The following FBN3 variants were observed in gnomAD, a reference collection of about 807,000 sequenced individuals.
The protein encoded by FBN3 is fibrillin-3.
FBN3 carries 234 observed loss-of-function variants against 330.1 expected under a neutral mutation model. The ratio of observed to expected loss-of-function variants is 0.71; its 90% confidence interval spans 0.64 to 0.79. FBN3 has a LOEUF of 0.79. Among genes scored for constraint, FBN3 ranks in the 30% least tolerant of loss-of-function variants. FBN3 has a pLI of 0.00. For missense variants in FBN3, 3,606 were observed against 3,886.9 expected (o/e 0.93, Z 1.92); for synonymous variants, 1,458 against 1,517.3 (o/e 0.96, Z 0.91).
Position 8,121,297 on chromosome 19 carries a change from C to G in FBN3, c.3172G>C (p.Gly1058Arg). 1.2e-6 allele frequency: 2 copies of G among 1,612,916 alleles called. No individual in the cohort carries two copies. The highest frequency in any genetic ancestry group is 1.7e-6 in the Non-Finnish European group (2 of 1,179,336). Residue 1058 changes from glycine (G) to arginine (R), a missense_variant, in exon 25 of 64, where the codon GGC (glycine) becomes CGC (arginine). By Grantham distance (125) the Gly-to-Arg change is moderately radical (BLOSUM62 -2). Transcript: ENST00000600128. This position sits in a 1 kb window ranked among gnomAD's most constrained non-coding sequence, Gnocchi z 4.5. ...ATCAGCATGAAGCCACTCTCGTAGC[C>G]GGGAAAACACTCGCACTCAAAGCTG... ...PGSFECECFP[G>R]YESGFMLMKN...
intron 6 of FBN3, 137 bp downstream of exon 6, chr19:8,144,740 G>T: frequency 1.6e-6 from 1 of 629,152 alleles, no homozygotes; most frequent in South Asian, 2.0e-5. Flanking sequence ...TGAAAGAAAT[G>T]TCCTCAGACT....
chr19:8,133,134 A>G (rs772302416), intron 13 of FBN3, 28 bp from the exon 14 acceptor site: 2 of 1,550,032 alleles, frequency 1.3e-6, no homozygotes, highest in Non-Finnish European at 8.7e-7. Context: ...GGCTGGGTCC[A>G]GGCAGGGACC....
rs984327405 is a variant in FBN3 at position 8,131,904 on chromosome 19, T to C, written c.1715-75A>G. The C allele has an allele frequency of 7.8e-6, 11 of 1,405,954 alleles. No individual in the cohort carries two copies. In the African/African-American group the frequency reaches 1.3e-4, roughly 17 times the overall value. 87.1% of individuals were successfully genotyped at this position (1,405,954 alleles called of 1,614,324 possible). A position where few individuals can be genotyped will look rare whatever the true frequency, so the allele number is the denominator to read the frequency against. ...TCTCTCCCCTCCCCATCTCCCAACATTTCCATCTTCCCAGCCATTCTATTT... is the reference window on the plus strand; with the variant it reads ...TCTCTCCCCTCCCCATCTCCCAACACTTCCATCTTCCCAGCCATTCTATTT... On this transcript the variant is annotated intron_variant, in intron 14 of 63. Coordinates refer to ENST00000600128, the MANE Select transcript of FBN3 (RefSeq NM_032447.5). This position sits in a 1 kb window ranked among gnomAD's most constrained non-coding sequence, Gnocchi z 4.5.
At chr19:8,116,927 G>T in intron 28 of FBN3, 128 bp from the exon 29 acceptor site, 2 of 1,260,274 alleles carry the variant, frequency 1.6e-6, no homozygotes, top group East Asian at 2.5e-5. Context: ...GAGTAGTCTG[G>T]GGGCGCTCAA....
At chr19:8,127,304 G>A (rs961383533) in intron 18 of FBN3, among the ~76,000 whole-genome samples, 2 of 151,810 alleles carry the variant, frequency 1.3e-5, no homozygotes, top group Non-Finnish European at 2.9e-5. Flanking sequence ...CAGGTGGTCC[G>A]CCCGCCTCAG....
intron 6 of FBN3, among the ~76,000 whole-genome samples, chr19:8,144,336 G>A (rs1163126137): frequency 1.3e-5 from 2 of 151,956 alleles, no homozygotes; most frequent in African/African-American, 4.8e-5. Flanking sequence ...GGCAGAGGTT[G>A]CAGTGAGCCG....
intron 38 of FBN3, among the ~76,000 whole-genome samples, chr19:8,104,892 T>A (rs992569156): frequency 1.3e-5 from 2 of 151,870 alleles, no homozygotes; most frequent in Non-Finnish European, 2.9e-5. Context: ...TTTTCTTTTC[T>A]TCTTTCTTCC....
At chr19:8,128,807 C>T (rs1354246499) in intron 18 of FBN3, among the ~76,000 whole-genome samples, 2 of 152,060 alleles carry the variant, frequency 1.3e-5, no homozygotes, top group Admixed American at 6.6e-5. Context: ...TGTTTCTGAG[C>T]GTGTGCATGT....
intron 13 of FBN3, among the ~76,000 whole-genome samples, chr19:8,133,489 C>T (rs1186563242): frequency 2.6e-5 from 4 of 151,192 alleles, no homozygotes; most frequent in South Asian, 2.1e-4. Context: ...CTCGCTCTGT[C>T]GCCCAGGCTG....
intron 47 of FBN3, among the ~76,000 whole-genome samples, chr19:8,092,649 A>C (rs2082120879): frequency 7.8e-6 from 1 of 128,466 alleles, no homozygotes; most frequent in East Asian, 2.7e-4. Flanking sequence ...CGGGAGGTGG[A>C]TATTGCAGTG....
In FBN3 at chr19:8,065,772, G is replaced by C. The variant is rs1193174273; in HGVS notation, c.*147C>G. On this transcript the variant is annotated 3_prime_UTR_variant, in exon 64 of 64. Coordinates refer to ENST00000600128, the MANE Select transcript of FBN3 (RefSeq NM_032447.5). ...TGGCACAGAGGCCCAGGCAGAGGCC[G>C]GGCTTGCCTGAGGTTGTCGTGTAGC... The C allele has an allele frequency of 4.2e-6, 3 of 720,550 alleles. No homozygotes were observed. Among genetic ancestry groups the C allele is most frequent in the Non-Finnish European group, 6.7e-6 (3 of 450,028 alleles). The allele number at this position is 720,550 out of a possible 1,614,324, so 44.6% of individuals were successfully genotyped here.
chr19:8,133,004 G>T lies in FBN3; in HGVS notation c.1694C>A (p.Pro565His). ...CLCKPGFLLA[P>H]GGHYCMDIDE... The stretch of plus-strand genomic sequence containing the variant: ...CTCACCCATGCAGTAGTGGCCGCCA[G>T]GCGCCAGCAGGAAGCCGGGTTTGCA... The change falls in exon 14 of 64, where the codon CCT becomes CAT. Residue 565 changes from proline (P) to histidine (H), a missense_variant. Pro to His is a moderately conservative substitution (Grantham distance 77, BLOSUM62 -2). Transcript: ENST00000600128. 1 of 1,570,988 alleles carries T rather than the reference G, an allele frequency of 6.4e-7. No individual in the cohort carries two copies. The highest frequency in any genetic ancestry group is 8.6e-7 in the Non-Finnish European group (1 of 1,161,420).
chr19:8,073,728 G>A (rs2081576215), intron 61 of FBN3, among the ~76,000 whole-genome samples: 1 of 152,220 alleles, frequency 6.6e-6, no homozygotes. Context: ...TGCCCAGGCT[G>A]GAGTGCAGTG....
In FBN3 at chr19:8,131,482, C is replaced by T; in HGVS notation, c.1990+72G>A. ...CCCACTCCATGGCAGCCATGACCCC[C>T]CACCAGAAGCGAGAACCGATGGAGG... On this transcript the variant is annotated intron_variant, in intron 15 of 63. Coordinates refer to ENST00000600128, the MANE Select transcript of FBN3 (RefSeq NM_032447.5). This position sits in a 1 kb window ranked among gnomAD's most constrained non-coding sequence, Gnocchi z 4.5. The T allele has an allele frequency of 6.5e-7, 1 of 1,541,286 alleles. No individual in the cohort carries two copies. Among genetic ancestry groups the T allele is most frequent in the Non-Finnish European group, 8.8e-7 (1 of 1,136,584 alleles).
chr19:8,121,235 A>AC lies in FBN3; in HGVS notation c.3211+22dup, dbSNP rs1435287444. 24 of 1,561,236 alleles carry AC rather than the reference A, an allele frequency of 1.5e-5. No individual in the cohort carries two copies. Among genetic ancestry groups the AC allele is most frequent in the Non-Finnish European group, 2.1e-5 (24 of 1,150,154 alleles). Reference sequence around the variant, plus strand: ...CCTCCCTGCCCAGGGCGCCCACCACACCCCTGCCCGGCAGTCACCGACCCA... The same window carrying AC: ...CCTCCCTGCCCAGGGCGCCCACCACACCCCCTGCCCGGCAGTCACCGACCCA... On this transcript the variant is annotated intron_variant, in intron 25 of 63. Coordinates refer to ENST00000600128, the MANE Select transcript of FBN3 (RefSeq NM_032447.5). The surrounding 1 kb of genome is among the most constrained non-coding windows in gnomAD (Gnocchi z 4.5).
Position 8,126,312 on chromosome 19 carries a change from C to G in FBN3, c.2590G>C (p.Gly864Arg), listed in dbSNP as rs1349126132. The change falls in exon 21 of 64, where the codon GGT becomes CGT. Residue 864 changes from glycine (G) to arginine (R), a missense_variant. Coordinates refer to ENST00000600128, the MANE Select transcript of FBN3 (RefSeq NM_032447.5). The part of the protein sequence containing the change: ...ACARGFARMT[G>R]VTCDDVNECE... ...AGGCAGTTACCATCGCAGGTGACACCCGTCATCCGGGCAAAGCCCCGGGCA... is the reference window on the plus strand; with the variant it reads ...AGGCAGTTACCATCGCAGGTGACACGCGTCATCCGGGCAAAGCCCCGGGCA... The G allele has an allele frequency of 1.9e-6, 3 of 1,589,044 alleles. No individual in the cohort carries two copies. In the Admixed American group the frequency reaches 5.6e-5, roughly 30 times the overall value.
In FBN3 at chr19:8,136,086, T is replaced by A. The variant is rs1393503814; in HGVS notation, c.1466A>T (p.Asp489Val). The change falls in exon 13 of 64, where the codon GAT (aspartate) becomes GTT (valine). Residue 489 changes from aspartate to valine, a missense_variant and splice_region_variant. By Grantham distance (152) the Asp-to-Val change is radical. Transcript: ENST00000600128. Reference protein sequence around the residue: ...QATPTRQACVDVDECIVSGGL... With the variant: ...QATPTRQACVVVDECIVSGGL... The stretch of plus-strand genomic sequence containing the variant: ...ACCACTGACAATGCACTCGTCCACA[T>A]CTGCGGGGAAGGCAGGCGGGCAGTC... The A allele has an allele frequency of 3.7e-6, 6 of 1,613,774 alleles. No individual in the cohort carries two copies. In the Admixed American group the frequency reaches 1.0e-4, roughly 27 times the overall value.
At chr19:8,090,479 TGG>T (rs1482877062) in intron 48 of FBN3, among the ~76,000 whole-genome samples, 28 of 123,860 alleles carry the variant, frequency 2.3e-4, no homozygotes, top group Admixed American at 4.6e-4. Flanking sequence ...TTGTTGGTGG[TGG>T]TGGTGGTTTT....
chr19:8,136,364 C>G (rs770854323), intron 11 of FBN3, 24 bp downstream of exon 11: 11 of 1,609,978 alleles, frequency 6.8e-6, no homozygotes, highest in Middle Eastern at 3.3e-4. Flanking sequence ...GAACCGCCCC[C>G]CCTTCCACCT....
Sources: allele counts gnomAD v4.1 joint callset (sites outside exome capture counted in the v4.1 genomes callset), GRCh38; gene constraint gnomAD v4.1.1; non-coding constraint Gnocchi (gnomAD v3.1); transcripts MANE v1.5; gene names NCBI Gene and HGNC (gene_info 2026-07-23, HGNC 2026-07-21).